Variants in ARF1 observed in about 807,000 individuals in gnomAD.
The protein encoded by ARF1 is ADP-ribosylation factor 1.
A neutral mutation model predicts 18.0 loss-of-function variants in ARF1; 1 was observed. The observed-to-expected ratio is 0.06, with a 90% CI of 0.02 to 0.26. ARF1 has a LOEUF of 0.26. Ranked by LOEUF, ARF1 falls within the 10% of genes least tolerant of loss-of-function variation. ARF1 has a pLI of 1.00. For missense variants in ARF1, 73 were observed against 247.2 expected (o/e 0.30, Z 4.73); for synonymous variants, 112 against 96.3 (o/e 1.16, Z -0.95).
intron 1 of ARF1, among the ~76,000 whole-genome samples, chr1:228,083,796 C>T (rs1256411364): frequency 6.6e-6 from 1 of 152,218 alleles, no homozygotes; most frequent in Non-Finnish European, 1.5e-5. Flanking sequence ...ATAACCATTC[C>T]GACGGCACCT....
intron 1 of ARF1, among the ~76,000 whole-genome samples, chr1:228,086,764 A>G (rs893229663): frequency 5.9e-5 from 9 of 152,186 alleles, no homozygotes; most frequent in Non-Finnish European, 1.3e-4. Context: ...TGTTTTTCTG[A>G]GTTCTGTGAG....
At chr1:228,091,191 C>G (rs1040292108) in intron 1 of ARF1, 2 of 152,188 alleles carry the variant, frequency 1.3e-5, no homozygotes, top group African/African-American at 4.8e-5. Context: ...TCATTTCTGG[C>G]TGTCAGTACA....
chr1:228,093,309 G>T lies in ARF1; in HGVS notation c.-37-3769G>T, dbSNP rs2032628889. Among the ~76,000 whole-genome samples, 3 of 152,176 alleles carry T rather than the reference G, an allele frequency of 2.0e-5. No homozygotes were observed. The South Asian group carries it at 6.2e-4, about 31-fold the overall frequency. ...ACCAAGAGGCCCTGGAATTGAGGGT[G>T]GGGGTTGCTGTGGACTCTTTCTCCC... On this transcript the variant is annotated intron_variant, in intron 1 of 4. Transcript: ENST00000272102.
intron 1 of ARF1, chr1:228,090,743 A>G (rs2032552351): frequency 6.6e-6 from 1 of 152,326 alleles, no homozygotes; most frequent in Admixed American, 6.5e-5. Context: ...GGGTGTGCAC[A>G]GCTGCAGGGA....
chr1:228,083,486 C>T (rs2032289597), intron 1 of ARF1: 1 of 152,264 alleles, frequency 6.6e-6, no homozygotes, highest in African/African-American at 2.4e-5. Context: ...GAGTGCCTCC[C>T]TTCACACCAG....
intron 1 of ARF1, among the ~76,000 whole-genome samples, chr1:228,087,445 CTG>C (rs1350067324): frequency 6.6e-6 from 1 of 152,208 alleles, no homozygotes; most frequent in Non-Finnish European, 1.5e-5. Flanking sequence ...AATACATCTT[CTG>C]GCAATTTTGG....
chr1:228,084,256 C>T (rs770374242), intron 1 of ARF1, among the ~76,000 whole-genome samples: 2 of 152,186 alleles, frequency 1.3e-5, no homozygotes, highest in Non-Finnish European at 2.9e-5. Context: ...TTAGCTGGGT[C>T]CAAAATTGAG....
intron 1 of ARF1, among the ~76,000 whole-genome samples, chr1:228,092,670 C>G (rs1012567144): frequency 6.6e-6 from 1 of 152,208 alleles, no homozygotes; most frequent in Non-Finnish European, 1.5e-5. Context: ...GGGAGATGAT[C>G]AACCTTCCGC....
chr1:228,097,878 C>G lies in ARF1; in HGVS notation c.411C>G (p.Ala137=). ...ACCTCCCCAACGCCATGAATGCGGC[C>G]GAGATCACAGACAAGCTGGGGCTGC... ...KQDLPNAMNA[A]EITDKLGLHS... Residue 137 remains alanine, a synonymous_variant, in exon 5 of 5, where the codon GCC becomes GCG. Coordinates refer to ENST00000272102, the MANE Select transcript of ARF1 (RefSeq NM_001658.4). The surrounding 1 kb of genome is among the most constrained non-coding windows in gnomAD (Gnocchi z 8.1). 6.2e-7 allele frequency: 1 copy of G among 1,614,062 alleles called. No homozygotes were observed. The highest frequency in any genetic ancestry group is 1.1e-5 in the South Asian group (1 of 91,074).
chr1:228,092,119 C>G (rs1290629108), intron 1 of ARF1, among the ~76,000 whole-genome samples: 1 of 152,196 alleles, frequency 6.6e-6, no homozygotes, highest in Non-Finnish European at 1.5e-5. Flanking sequence ...TGTAATTTAT[C>G]TGTCAGTGAA....
In ARF1 at chr1:228,093,624, TAA is replaced by T. The variant is rs11420776; in HGVS notation, c.-37-3438_-37-3437del. ...GGGGACTCTTAACGCTTTGGTCTGT[TAA>T]AAAAAAAAAAAAAAATCCGGGCGTG... On this transcript the variant is annotated intron_variant, in intron 1 of 4. Coordinates refer to ENST00000272102, the MANE Select transcript of ARF1 (RefSeq NM_001658.4). Among the ~76,000 whole-genome samples the T allele has an allele frequency of 7.2e-3, 1,003 of 138,752 alleles. 6 individuals carry two copies. The highest frequency in any genetic ancestry group is 0.022 in the African/African-American group (830 of 37,082). The allele number at this position is 138,752 out of a possible 152,430, so 91.0% of individuals were successfully genotyped here.
At chr1:228,091,855 A>G (rs2032585285) in intron 1 of ARF1, among the ~76,000 whole-genome samples, 1 of 152,210 alleles carries the variant, frequency 6.6e-6, no homozygotes, top group African/African-American at 2.4e-5. Flanking sequence ...CAGCTTGTGC[A>G]GGTGAGAATA....
chr1:228,095,376 A>C (rs917871535), intron 1 of ARF1, among the ~76,000 whole-genome samples: 2 of 152,092 alleles, frequency 1.3e-5, no homozygotes, highest in African/African-American at 4.8e-5. Context: ...TCATGGCTCA[A>C]GTGTGTTGTC....
intron 1 of ARF1, among the ~76,000 whole-genome samples, chr1:228,092,870 CCTGCCCCTGTTCA>C (rs2032617508): frequency 6.6e-6 from 1 of 152,176 alleles, no homozygotes. Context: ...ACATTTTCTC[CCTGCCCCTGTTCA>C]GGCACAGTGA....
intron 1 of ARF1, among the ~76,000 whole-genome samples, chr1:228,094,163 C>T (rs921140869): frequency 1.3e-5 from 2 of 152,212 alleles, no homozygotes; most frequent in South Asian, 2.1e-4. Flanking sequence ...CCCTGAGTGG[C>T]TGGGTGTTAC....
At chr1:228,096,311 G>A (rs550800168) in intron 1 of ARF1, 3 of 152,426 alleles carry the variant, frequency 2.0e-5, no homozygotes, top group African/African-American at 7.2e-5. Context: ...CCCCGCTTGC[G>A]GGTGCAGTGA....
At position 228,098,245 on chromosome 1, in the gene ARF1, T is replaced by C; in HGVS notation, c.*232T>C. The C allele has an allele frequency of 2.3e-6, 1 of 444,310 alleles. No homozygotes were observed. Among genetic ancestry groups the C allele is most frequent in the Non-Finnish European group, 3.9e-6 (1 of 257,210 alleles). 27.5% of individuals were successfully genotyped at this position (444,310 alleles called of 1,614,324 possible). On this transcript the variant is annotated 3_prime_UTR_variant, in exon 5 of 5. Transcript: ENST00000272102. ...GTACTCCTATGCAATATTACTCAGC[T>C]TTTTTTATTGTAAAAAGAAAAATCA...
Position 228,098,085 on chromosome 1 carries a change from T to C in ARF1, c.*72T>C, listed in dbSNP as rs1166824013. Reference sequence around the variant, plus strand: ...CATGTGGCAAACGTGCGGCTCGTGGTGTGAGTGCCAGAAGCTGCCTCCGTG... The same window carrying C: ...CATGTGGCAAACGTGCGGCTCGTGGCGTGAGTGCCAGAAGCTGCCTCCGTG... On this transcript the variant is annotated 3_prime_UTR_variant, in exon 5 of 5. Transcript: ENST00000272102. The C allele has an allele frequency of 1.3e-6, 2 of 1,527,530 alleles. No homozygotes were observed. Among genetic ancestry groups the C allele is most frequent in the Non-Finnish European group, 1.8e-6 (2 of 1,131,394 alleles). The allele number at this position is 1,527,530 out of a possible 1,614,324, so 94.6% of individuals were successfully genotyped here.
chr1:228,097,760 G>C lies in ARF1; in HGVS notation c.384+45G>C. 6.3e-7 allele frequency: 1 copy of C among 1,590,330 alleles called. No homozygotes were observed. The highest frequency in any genetic ancestry group is 8.6e-7 in the Non-Finnish European group (1 of 1,166,856). Reference sequence around the variant, plus strand: ...TGGGGAATGTGAGGAGCCAGTGTGGGTTCCGCCTGGTGGTAGGGGTTACTG... The same window carrying C: ...TGGGGAATGTGAGGAGCCAGTGTGGCTTCCGCCTGGTGGTAGGGGTTACTG... On this transcript the variant is annotated intron_variant, in intron 4 of 4. Coordinates refer to ENST00000272102, the MANE Select transcript of ARF1 (RefSeq NM_001658.4). This position sits in a 1 kb window ranked among gnomAD's most constrained non-coding sequence, Gnocchi z 8.1.
Sources: allele counts gnomAD v4.1 joint callset (sites outside exome capture counted in the v4.1 genomes callset), GRCh38; gene constraint gnomAD v4.1.1; non-coding constraint Gnocchi (gnomAD v3.1); transcripts MANE v1.5; gene names NCBI Gene and HGNC (gene_info 2026-07-23, HGNC 2026-07-21).